IP6K1: variants seen among roughly 807,000 people sequenced by gnomAD.
The protein encoded by IP6K1 is ATP:1D-myo-inositol-hexakisphosphate phosphotransferase.
In IP6K1, 13 loss-of-function variants were observed where a neutral mutation model predicts 38.3. The ratio of observed to expected loss-of-function variants is 0.34; its 90% CI spans 0.22 to 0.54. The LOEUF is 0.54. Among genes scored for constraint, IP6K1 ranks in the 20% least tolerant of loss-of-function variants. The pLI, the probability that IP6K1 is intolerant of heterozygous loss-of-function variation, is 0.92. For missense variants in IP6K1, 397 were observed against 599.8 expected (o/e 0.66, Z 3.53); for synonymous variants, 212 against 229.9 (o/e 0.92, Z 0.70).
chr3:49,744,557 G>A (rs768084164), intron 2 of IP6K1, among the ~76,000 whole-genome samples: 43 of 151,420 alleles, frequency 2.8e-4, no homozygotes, highest in Non-Finnish European at 5.6e-4. Context: ...TTAGCTCTTC[G>A]TACTTCTGAC....
intron 1 of IP6K1, among the ~76,000 whole-genome samples, chr3:49,777,473 G>C (rs2081026989): frequency 6.6e-6 from 1 of 151,492 alleles, no homozygotes; most frequent in African/African-American, 2.4e-5. Flanking sequence ...TGAGGCAGGA[G>C]AATCACTTGA....
intron 1 of IP6K1, among the ~76,000 whole-genome samples, chr3:49,755,624 TCTAA>T (rs2080816465): frequency 6.6e-6 from 1 of 152,188 alleles, no homozygotes; most frequent in African/African-American, 2.4e-5. Context: ...GATAAGTCAC[TCTAA>T]CAGAAAAGAA....
At chr3:49,749,552 G>C (rs562669865) in intron 1 of IP6K1, among the ~76,000 whole-genome samples, 135 of 152,244 alleles carry the variant, frequency 8.9e-4, no homozygotes, top group Non-Finnish European at 1.6e-3. Flanking sequence ...CGGGTTTTTT[G>C]TTGTTGTTGT....
intron 2 of IP6K1, among the ~76,000 whole-genome samples, chr3:49,747,350 T>G (rs1197577599): frequency 6.6e-6 from 1 of 152,214 alleles, no homozygotes; most frequent in African/African-American, 2.4e-5. Context: ...TATTTTTCCT[T>G]CAAATATCAG....
intron 1 of IP6K1, among the ~76,000 whole-genome samples, chr3:49,753,612 T>C (rs536564331): frequency 2.0e-5 from 3 of 152,314 alleles, no homozygotes; most frequent in South Asian, 2.1e-4. Flanking sequence ...AATAAATATA[T>C]GTATGTTTAT....
intron 3 of IP6K1, among the ~76,000 whole-genome samples, chr3:49,733,595 A>G (rs1227649617): frequency 2.0e-5 from 3 of 152,268 alleles, no homozygotes; most frequent in Admixed American, 6.5e-5. Flanking sequence ...TGAAATTCCT[A>G]TACATGCTAC....
intron 1 of IP6K1, among the ~76,000 whole-genome samples, chr3:49,751,537 G>A (rs1044090832): frequency 1.3e-5 from 2 of 152,020 alleles, no homozygotes; most frequent in Admixed American, 6.6e-5. Flanking sequence ...ACTACTGTCT[G>A]AGAAGGCCGT....
rs1361404420 is a variant in IP6K1, at chr3:49,725,498, C to CT, written c.*1623dup. The CT allele has an allele frequency of 6.6e-6, 1 of 152,446 alleles. No individual in the cohort carries two copies. The highest frequency in any genetic ancestry group is 1.5e-5 in the Non-Finnish European group (1 of 68,048). The allele number at this position is 152,446 out of a possible 1,614,324, so 9.4% of individuals were successfully genotyped here. On this transcript the variant is annotated 3_prime_UTR_variant, in exon 6 of 6. Transcript: ENST00000321599. ...GAGAGATGGCATCCATCAAGGAGCCCTTAAGAGGCTGCATCTTTAAGGACC... is the reference window on the plus strand; with the variant it reads ...GAGAGATGGCATCCATCAAGGAGCCCTTTAAGAGGCTGCATCTTTAAGGACC...
chr3:49,772,524 T>C (rs943017835), intron 1 of IP6K1, among the ~76,000 whole-genome samples: 3 of 151,942 alleles, frequency 2.0e-5, no homozygotes, highest in South Asian at 2.1e-4. Flanking sequence ...CATCTCAGCC[T>C]CTCTAGTAGC....
At chr3:49,755,920 G>C (rs1477575930) in intron 1 of IP6K1, among the ~76,000 whole-genome samples, 1 of 152,134 alleles carries the variant, frequency 6.6e-6, no homozygotes, top group Non-Finnish European at 1.5e-5. Flanking sequence ...ATAGTTATGA[G>C]GGTGAGAGAG....
chr3:49,739,947 G>A (rs1291988700), intron 2 of IP6K1, among the ~76,000 whole-genome samples: 5 of 152,010 alleles, frequency 3.3e-5, no homozygotes, highest in East Asian at 1.9e-4. Flanking sequence ...GCCGGGAGAC[G>A]GAGGTTGCAG....
Position 49,727,348 on chromosome 3 carries a change from T to G in IP6K1, c.1100A>C (p.Glu367Ala), listed in dbSNP as rs375347005. ...GCTGGGGCCACAGGATGACGCCACC[T>G]CAGGGAGCACCATGTCCAGGTGCTT... ...RLKHLDMVLPEVASSCGPSTS... is the reference protein window; with the variant it reads ...RLKHLDMVLPAVASSCGPSTS... Residue 367 changes from glutamate to alanine, a missense_variant, in exon 6 of 6, where the codon GAG becomes GCG. Around this residue, in one of 3 missense-constraint regions of IP6K1, gnomAD observed 164 missense variants for 213.5 expected, o/e 0.77. Transcript: ENST00000321599. The surrounding 1 kb of genome is among the most constrained non-coding windows in gnomAD (Gnocchi z 5.9). The G allele has an allele frequency of 1.9e-6, 3 of 1,613,904 alleles. No homozygotes were observed. In the African/African-American group the frequency reaches 4.0e-5, roughly 22 times the overall value.
intron 4 of IP6K1, among the ~76,000 whole-genome samples, chr3:49,731,905 A>AAAAAAAAAAAAAAAAAAAAAAG (rs2080565992): frequency 7.0e-6 from 1 of 142,458 alleles, no homozygotes; most frequent in Non-Finnish European, 1.6e-5. Context: ...AAAAAAAAAA[A>AAAAAAAAAAAAAAAAAAAAAAG]GGAATTCCTA....
chr3:49,781,900 A>G (rs1036127558), intron 1 of IP6K1, among the ~76,000 whole-genome samples: 2 of 151,842 alleles, frequency 1.3e-5, no homozygotes, highest in Admixed American at 6.6e-5. Context: ...CTGGGCAACA[A>G]ACAAGACATC....
intron 2 of IP6K1, among the ~76,000 whole-genome samples, chr3:49,744,729 T>C (rs1047128752): frequency 6.6e-6 from 1 of 152,200 alleles, no homozygotes; most frequent in Non-Finnish European, 1.5e-5. Context: ...GGTTACTAGA[T>C]ATACTGATTG....
Position 49,727,368 on chromosome 3 carries a change from G to C in IP6K1, c.1080C>G (p.His360Gln). 2 of 1,614,102 alleles carry C rather than the reference G, an allele frequency of 1.2e-6. No individual in the cohort carries two copies. Among genetic ancestry groups the C allele is most frequent in the Non-Finnish European group, 1.7e-6 (2 of 1,180,030 alleles). Residue 360 changes from histidine (H) to glutamine (Q), a missense_variant, in exon 6 of 6, where the codon CAC (histidine) becomes CAG (glutamine). His to Gln is a conservative substitution (Grantham distance 24, BLOSUM62 0). Transcript: ENST00000321599. The surrounding 1 kb of genome is among the most constrained non-coding windows in gnomAD (Gnocchi z 5.9). ...LDRRSEMRLK[H>Q]LDMVLPEVAS... ...CCACCTCAGGGAGCACCATGTCCAGGTGCTTGAGACGCATCTCAGACCGGC... is the reference window on the plus strand; with the variant it reads ...CCACCTCAGGGAGCACCATGTCCAGCTGCTTGAGACGCATCTCAGACCGGC...
chr3:49,764,492 G>A (rs2080892800), intron 1 of IP6K1, among the ~76,000 whole-genome samples: 1 of 152,170 alleles, frequency 6.6e-6, no homozygotes. Context: ...TAAGCTCTGA[G>A]GGAGTCAAAA....
intron 1 of IP6K1, among the ~76,000 whole-genome samples, chr3:49,766,958 C>CAAAAAAA (rs144308874): frequency 1.8e-5 from 1 of 55,418 alleles, no homozygotes; most frequent in Non-Finnish European, 3.0e-5. Flanking sequence ...GACTCCGTCT[C>CAAAAAAA]AAAAAAAAAA....
intron 1 of IP6K1, among the ~76,000 whole-genome samples, chr3:49,765,614 C>T (rs1276978011): frequency 1.4e-5 from 2 of 146,410 alleles, no homozygotes; most frequent in African/African-American, 5.1e-5. Context: ...CGCCACTGCA[C>T]TCCAGCCTGG....
Sources: gnomAD v4.1 joint callset for allele counts (sites outside exome capture counted in the v4.1 genomes callset) on GRCh38, gnomAD v4.1.1 for gene constraint, gnomAD v4.1.1 regional missense constraint, Gnocchi (gnomAD v3.1) non-coding constraint, MANE v1.5 for transcripts, NCBI Gene and HGNC (gene_info 2026-07-23, HGNC 2026-07-21) for gene names.